Variants in AMPH observed in about 807,000 individuals in gnomAD.
AMPH encodes amphiphysin (Stiff-Mann syndrome with breast cancer 128kD autoantigen).
Under a neutral mutation model 99.1 loss-of-function variants are expected in AMPH, and 49 were observed. That is an observed-to-expected ratio of 0.49 (90% CI 0.39 to 0.63). AMPH has a LOEUF of 0.63. AMPH is among the 20% of genes least tolerant of loss of function. The pLI is 0.00. For missense variants in AMPH, 759 were observed against 863.4 expected (o/e 0.88, Z 1.52); for synonymous variants, 314 against 317.3 (o/e 0.99, Z 0.11).
At chr7:38,569,518 T>C (rs1407411984) in intron 1 of AMPH, among the ~76,000 whole-genome samples, 3 of 151,356 alleles carry the variant, frequency 2.0e-5, no homozygotes, top group Non-Finnish European at 2.9e-5. Flanking sequence ...CAAAGCATAG[T>C]AGAACCGAAA....
intron 1 of AMPH, among the ~76,000 whole-genome samples, chr7:38,624,157 G>T (rs1386934776): frequency 1.3e-5 from 2 of 152,094 alleles, no homozygotes; most frequent in Non-Finnish European, 2.9e-5. Context: ...GCAAGGACAT[G>T]GAAAGGCAAA....
chr7:38,591,131 T>A (rs1435206354), intron 1 of AMPH, among the ~76,000 whole-genome samples: 1 of 152,060 alleles, frequency 6.6e-6, no homozygotes, highest in Admixed American at 6.6e-5. Flanking sequence ...GGTTACCAGG[T>A]CTCCTCTGAT....
intron 1 of AMPH, among the ~76,000 whole-genome samples, chr7:38,590,539 G>C (rs929519755): frequency 1.3e-5 from 2 of 152,180 alleles, no homozygotes; most frequent in African/African-American, 4.8e-5. Flanking sequence ...CTCCCGGCTC[G>C]AATGCCTGGG....
chr7:38,563,153 G>GAATA (rs1434053955), intron 1 of AMPH, among the ~76,000 whole-genome samples: 1 of 152,070 alleles, frequency 6.6e-6, no homozygotes. Context: ...ATGAATGAAT[G>GAATA]AATGAATGAA....
At chr7:38,594,977 G>A (rs1333600848) in intron 1 of AMPH, among the ~76,000 whole-genome samples, 1 of 152,184 alleles carries the variant, frequency 6.6e-6, no homozygotes, top group African/African-American at 2.4e-5. Context: ...TTAGGCCACT[G>A]TTGTGGTGTA....
At chr7:38,402,957 T>C (rs1375894291) in intron 17 of AMPH, among the ~76,000 whole-genome samples, 2 of 152,230 alleles carry the variant, frequency 1.3e-5, no homozygotes. Context: ...TTTTGAGTGA[T>C]TTTTAAGTGT....
chr7:38,618,193 A>C (rs891863010), intron 1 of AMPH, among the ~76,000 whole-genome samples: 3 of 152,280 alleles, frequency 2.0e-5, no homozygotes, highest in Admixed American at 6.5e-5. Flanking sequence ...ATTGCTTATA[A>C]CTCATTATGA....
intron 1 of AMPH, among the ~76,000 whole-genome samples, chr7:38,546,931 C>T (rs1466523638): frequency 6.6e-6 from 1 of 152,192 alleles, no homozygotes; most frequent in Non-Finnish European, 1.5e-5. Flanking sequence ...TCCCTAAGAA[C>T]CGCATCCTGC....
chr7:38,603,314 CAAA>C (rs59085219), intron 1 of AMPH, among the ~76,000 whole-genome samples: 68 of 94,856 alleles, frequency 7.2e-4, no homozygotes, highest in African/African-American at 2.4e-3. Flanking sequence ...GACTCTGTCT[CAAA>C]AAAAAAAAAA....
intron 1 of AMPH, among the ~76,000 whole-genome samples, chr7:38,572,090 A>T (rs935625705): frequency 6.6e-6 from 1 of 152,038 alleles, no homozygotes; most frequent in African/African-American, 2.4e-5. Flanking sequence ...TTTTTAGTAG[A>T]GACGGGGTTT....
At chr7:38,403,647 C>A (rs1319305287) in intron 17 of AMPH, among the ~76,000 whole-genome samples, 1 of 152,208 alleles carries the variant, frequency 6.6e-6, no homozygotes, top group African/African-American at 2.4e-5. Context: ...AGAGCTAGCT[C>A]TTGGCAGAGG....
chr7:38,563,457 G>C (rs914797037), intron 1 of AMPH, among the ~76,000 whole-genome samples: 1 of 152,130 alleles, frequency 6.6e-6, no homozygotes, highest in Non-Finnish European at 1.5e-5. Flanking sequence ...TCCACAAAAG[G>C]AAAGGCCTGA....
intron 2 of AMPH, among the ~76,000 whole-genome samples, chr7:38,509,872 G>A (rs1040840342): frequency 1.3e-5 from 2 of 152,008 alleles, no homozygotes; most frequent in Non-Finnish European, 2.9e-5. Flanking sequence ...TCCTGCTGTG[G>A]GTATAGATGC....
intron 1 of AMPH, among the ~76,000 whole-genome samples, chr7:38,601,497 C>T (rs565267031): frequency 6.6e-6 from 1 of 152,322 alleles, no homozygotes; most frequent in East Asian, 1.9e-4. Context: ...TGATCTAGGA[C>T]ACTCAAAGCT....
rs978905402 is a variant in AMPH at position 38,466,036 on chromosome 7, G to A, written c.666+137C>T. On this transcript the variant is annotated intron_variant, in intron 8 of 20. Coordinates refer to ENST00000356264, the MANE Select transcript of AMPH (RefSeq NM_001635.4). ...TATGAAAAACCGTAGAAATGTTATCGAGGGTAATAACACACTGCTAAAAGA... is the reference window on the plus strand; with the variant it reads ...TATGAAAAACCGTAGAAATGTTATCAAGGGTAATAACACACTGCTAAAAGA... The A allele has an allele frequency of 8.8e-5, 57 of 650,948 alleles. No homozygotes were observed. The East Asian group carries it at 1.2e-3, about 14-fold the overall frequency. The allele number at this position is 650,948 out of a possible 1,614,324, so 40.3% of individuals were successfully genotyped here.
At chr7:38,514,920 G>T (rs766453390) in intron 2 of AMPH, among the ~76,000 whole-genome samples, 3 of 152,196 alleles carry the variant, frequency 2.0e-5, no homozygotes, top group African/African-American at 7.2e-5. Context: ...ATGGATAGAG[G>T]ATGGAAGAGT....
intron 1 of AMPH, among the ~76,000 whole-genome samples, chr7:38,570,024 C>T (rs1791884311): frequency 6.6e-6 from 1 of 152,072 alleles, no homozygotes; most frequent in African/African-American, 2.4e-5. Flanking sequence ...CAACACTGTA[C>T]TGAGTGTAAA....
At chr7:38,602,728 T>G (rs1318344635) in intron 1 of AMPH, among the ~76,000 whole-genome samples, 1 of 152,164 alleles carries the variant, frequency 6.6e-6, no homozygotes, top group Non-Finnish European at 1.5e-5. Context: ...GTAGACATCT[T>G]TGAGAGTACA....
At chr7:38,618,812 A>C (rs1425952360) in intron 1 of AMPH, among the ~76,000 whole-genome samples, 3 of 152,242 alleles carry the variant, frequency 2.0e-5, no homozygotes, top group African/African-American at 7.2e-5. Flanking sequence ...TAACACCAAA[A>C]GCAGGCATGA....
Sources: allele counts gnomAD v4.1 joint callset (sites outside exome capture counted in the v4.1 genomes callset), GRCh38; gene constraint gnomAD v4.1.1; transcripts MANE v1.5; gene names NCBI Gene and HGNC (gene_info 2026-07-23, HGNC 2026-07-21).